Variants in ATOH8 observed in about 807,000 individuals in gnomAD.
ATOH8 encodes atonal bHLH transcription factor 8, also known as transcription factor ATOH8.
ATOH8 carries 9 observed loss-of-function variants against 21.2 expected under a neutral mutation model. The ratio of observed to expected loss-of-function variants is 0.42; its 90% confidence interval spans 0.26 to 0.74. ATOH8 has a LOEUF of 0.74. Ranked by LOEUF, ATOH8 falls within the 30% of genes least tolerant of loss-of-function variation. The probability of loss-of-function intolerance (pLI) is 0.24; values close to 1 mark genes in which losing one functional copy is unlikely to be tolerated. For missense variants in ATOH8, 524 were observed against 470.9 expected (o/e 1.11, Z -1.04); for synonymous variants, 253 against 224.0 (o/e 1.13, Z -1.16).
At chr2:85,772,371 G>A (rs1380145018) in intron 2 of ATOH8, among the ~76,000 whole-genome samples, 1 of 152,240 alleles carries the variant, frequency 6.6e-6, no homozygotes, top group African/African-American at 2.4e-5. Context: ...GTCCATGGGA[G>A]CTCCGCTGGA....
chr2:85,759,400 C>A (rs1178145077), intron 1 of ATOH8, among the ~76,000 whole-genome samples: 1 of 152,144 alleles, frequency 6.6e-6, no homozygotes, highest in African/African-American at 2.4e-5. Context: ...TGAGTGAGGC[C>A]TTACCTGAGC....
intron 1 of ATOH8, 70 bp downstream of exon 1, chr2:85,755,027 G>C: frequency 8.1e-6 from 12 of 1,485,536 alleles, no homozygotes; most frequent in Non-Finnish European, 9.8e-6. Flanking sequence ...GCGAGTGGCC[G>C]GGGCGGGATA....
At chr2:85,757,133 T>C (rs1304385015) in intron 1 of ATOH8, among the ~76,000 whole-genome samples, 1 of 152,260 alleles carries the variant, frequency 6.6e-6, no homozygotes, top group Non-Finnish European at 1.5e-5. Context: ...GTTTGTTTCC[T>C]CCTTGCCCTA....
Position 85,766,532 on chromosome 2 carries a change from C to T in ATOH8, c.960+2350C>T, listed in dbSNP as rs776269977. ...TCTCATATGAAACCACTCAGGAAGC[C>T]CTGGCTGGCCCTGCGTCTCCCCATG... On this transcript the variant is annotated intron_variant, in intron 2 of 2. Transcript: ENST00000306279. The surrounding 1 kb of genome is among the most constrained non-coding windows in gnomAD (Gnocchi z 4.0). Among the ~76,000 whole-genome samples, 1 of 152,132 alleles carries T rather than the reference C, an allele frequency of 6.6e-6. No individual in the cohort carries two copies. The highest frequency in any genetic ancestry group is 1.5e-5 in the Non-Finnish European group (1 of 68,022).
At position 85,788,777 on chromosome 2, in the gene ATOH8, C is replaced by T. The variant is rs753035455; in HGVS notation, c.*1887C>T. Among the ~76,000 whole-genome samples the T allele has an allele frequency of 6.6e-6, 1 of 152,284 alleles. No individual in the cohort carries two copies. Among genetic ancestry groups the T allele is most frequent in the Middle Eastern group, 3.4e-3 (1 of 294 alleles). ...CTGGGCTGGGGCTGGCTGCAGGGAG[C>T]CCCCCTTGCAGTAGCGTTTCTCAGG... On this transcript the variant is annotated 3_prime_UTR_variant, in exon 3 of 3. Coordinates refer to ENST00000306279, the MANE Select transcript of ATOH8 (RefSeq NM_032827.7).
chr2:85,777,780 C>T (rs1191392115), intron 2 of ATOH8, among the ~76,000 whole-genome samples: 1 of 152,192 alleles, frequency 6.6e-6, no homozygotes, highest in Non-Finnish European at 1.5e-5. Context: ...TTTGGGATCC[C>T]CAGAGCCTCC....
At chr2:85,776,117 A>G (rs1235563665) in intron 2 of ATOH8, among the ~76,000 whole-genome samples, 1 of 152,178 alleles carries the variant, frequency 6.6e-6, no homozygotes, top group Non-Finnish European at 1.5e-5. Flanking sequence ...TGGGGTCCAC[A>G]TTATTAAACA....
rs1043007961 is a variant in ATOH8, at chr2:85,780,900, C to T, written c.961-5985C>T. The T allele has an allele frequency of 7.1e-6, 7 of 986,044 alleles. No homozygotes were observed. The African/African-American group carries it at 1.2e-4, about 17-fold the overall frequency. 61.1% of individuals were successfully genotyped at this position (986,044 alleles called of 1,614,324 possible). On this transcript the variant is annotated intron_variant, in intron 2 of 2. Transcript: ENST00000306279. ...CTGCTCATAAATTTCCTGCCTGTCACCCATGGCACCCAGGCCAGGCAGGCA... is the reference window on the plus strand; with the variant it reads ...CTGCTCATAAATTTCCTGCCTGTCATCCATGGCACCCAGGCCAGGCAGGCA...
chr2:85,777,896 G>A (rs571622271), intron 2 of ATOH8, among the ~76,000 whole-genome samples: 3 of 152,308 alleles, frequency 2.0e-5, no homozygotes, highest in African/African-American at 7.2e-5. Context: ...CACAAATACC[G>A]AAGGGCGGCT....
intron 2 of ATOH8, among the ~76,000 whole-genome samples, chr2:85,768,087 A>C (rs1255151356): frequency 6.6e-6 from 1 of 152,192 alleles, no homozygotes; most frequent in Non-Finnish European, 1.5e-5. Flanking sequence ...GAATGATATT[A>C]CGAGTGTGTA....
chr2:85,779,243 C>T (rs940309897), intron 2 of ATOH8, among the ~76,000 whole-genome samples: 1 of 152,280 alleles, frequency 6.6e-6, no homozygotes, highest in African/African-American at 2.4e-5. Flanking sequence ...CAGCAGCTGC[C>T]TGCAGCTTCG....
Position 85,754,482 on chromosome 2 carries a change from G to GCTCTCGGGCGCCCGAGGT in ATOH8, c.297_314dup (p.Arg100_Ser105dup). On this transcript the variant is annotated inframe_insertion, in exon 1 of 3. Transcript: ENST00000306279. ...ACGGACACAGCCGGGGAGCGCGGGGGCTCTCGGGCGCCCGAGGTCTCCGAC... is the reference window on the plus strand; with the variant it reads ...ACGGACACAGCCGGGGAGCGCGGGGGCTCTCGGGCGCCCGAGGTCTCTCGGGCGCCCGAGGTCTCCGAC... 1.4e-6 allele frequency: 2 copies of GCTCTCGGGCGCCCGAGGT among 1,444,290 alleles called. No homozygotes were observed. The highest frequency in any genetic ancestry group is 1.8e-6 in the Non-Finnish European group (2 of 1,108,202). The allele number at this position is 1,444,290 out of a possible 1,614,324, so 89.5% of individuals were successfully genotyped here.
At chr2:85,767,580 T>TCCCCTCCCCTTCCCTCCCCTCCCCTCC (rs1680052547) in intron 2 of ATOH8, among the ~76,000 whole-genome samples, 2 of 79,290 alleles carry the variant, frequency 2.5e-5, no homozygotes, top group African/African-American at 1.0e-4. Flanking sequence ...CCCTCCCCTC[T>TCCCCTCCCCTTCCCTCCCCTCCCCTCC]CCTTCCCTTC....
intron 2 of ATOH8, among the ~76,000 whole-genome samples, chr2:85,768,648 C>T (rs1041121259): frequency 6.6e-6 from 1 of 152,142 alleles, no homozygotes; most frequent in African/African-American, 2.4e-5. Context: ...TCTGAGGTCC[C>T]TCGCACCCCG....
At chr2:85,760,329 G>C (rs529739307) in intron 1 of ATOH8, among the ~76,000 whole-genome samples, 1 of 151,586 alleles carries the variant, frequency 6.6e-6, no homozygotes, top group East Asian at 1.9e-4. Flanking sequence ...AGGGTGAGCC[G>C]ACAATGGCTG....
intron 2 of ATOH8, among the ~76,000 whole-genome samples, chr2:85,776,759 G>A (rs1405356966): frequency 6.6e-6 from 1 of 152,156 alleles, no homozygotes; most frequent in African/African-American, 2.4e-5. Context: ...TCAGTGGCAG[G>A]GCAGGGCAGG....
At chr2:85,760,356 C>T (rs1209289675) in intron 1 of ATOH8, among the ~76,000 whole-genome samples, 7 of 140,442 alleles carry the variant, frequency 5.0e-5, no homozygotes, top group African/African-American at 1.5e-4. Context: ...ACTCTGTAGG[C>T]GGTGCGGGTG....
chr2:85,755,407 C>T (rs1679659725), intron 1 of ATOH8, among the ~76,000 whole-genome samples: 1 of 152,180 alleles, frequency 6.6e-6, no homozygotes, highest in Admixed American at 6.5e-5. Context: ...AGCCCCTCTT[C>T]AGGCCCCAGC....
intron 2 of ATOH8, chr2:85,774,595 C>T (rs1220882701): frequency 5.1e-6 from 5 of 985,552 alleles, no homozygotes; most frequent in Non-Finnish European, 6.0e-6. Context: ...CCCTGGCTGT[C>T]AGCCCCACCA....
Sources: allele counts gnomAD v4.1 joint callset (sites outside exome capture counted in the v4.1 genomes callset), GRCh38; gene constraint gnomAD v4.1.1; non-coding constraint Gnocchi (gnomAD v3.1); transcripts MANE v1.5; gene names NCBI Gene and HGNC (gene_info 2026-07-23, HGNC 2026-07-21).